Variants in UNC13C observed in about 807,000 individuals in gnomAD.
UNC13C encodes protein unc-13 homolog C.
In UNC13C, 174 loss-of-function variants were observed where a neutral mutation model predicts 245.4. The observed-to-expected ratio is 0.71, with a 90% CI of 0.63 to 0.80. UNC13C has a LOEUF of 0.80. UNC13C is among the 30% of genes least tolerant of loss of function. The pLI is 0.00. For synonymous variants in UNC13C, 992 were observed against 895.1 expected, an observed-to-expected ratio of 1.11 and a Z score of -1.93; for missense variants, 2,829 against 2,602.9, an observed-to-expected ratio of 1.09 and a Z score of -1.89.
the UNC13C span, among the ~76,000 whole-genome samples, chr15:53,909,830 GTCAGTCAA>G: frequency 6.8e-6 from 1 of 146,190 alleles, no homozygotes; most frequent in African/African-American, 2.4e-5. Flanking sequence ...TATTGCACCT[GTCAGTCAA>G]GTGGACATAT....
chr15:54,469,478 T>G (rs2414306), intron 19 of UNC13C, among the ~76,000 whole-genome samples: 66,961 of 151,182 alleles, frequency 0.44, 15,146 homozygotes, highest in East Asian at 0.72. Flanking sequence ...TATTCACATG[T>G]CTCTGGTTCC....
chr15:54,302,690 TAAGTC>T (rs2037619362), intron 13 of UNC13C, among the ~76,000 whole-genome samples: 1 of 151,718 alleles, frequency 6.6e-6, no homozygotes, highest in Non-Finnish European at 1.5e-5. Flanking sequence ...TTGGTTTACT[TAAGTC>T]AGGTAATGTG....
the UNC13C span, among the ~76,000 whole-genome samples, chr15:53,958,877 G>C: frequency 2.6e-5 from 4 of 151,976 alleles, no homozygotes; most frequent in African/African-American, 9.7e-5. Flanking sequence ...CTGTACTGTC[G>C]AATACTAGAA....
intron 10 of UNC13C, among the ~76,000 whole-genome samples, chr15:54,280,406 T>C (rs1183424158): frequency 2.0e-5 from 3 of 151,556 alleles, no homozygotes; most frequent in South Asian, 2.1e-4. Context: ...TTGATAACAA[T>C]ATATCAAACT....
chr15:54,610,770 G>C (rs1900046565), intron 30 of UNC13C, among the ~76,000 whole-genome samples: 1 of 152,108 alleles, frequency 6.6e-6, no homozygotes, highest in Non-Finnish European at 1.5e-5. Flanking sequence ...CTGATACTTA[G>C]CGAAGCCTGG....
At chr15:53,985,853 G>T (rs1595679817) in intron 1 of UNC13C, among the ~76,000 whole-genome samples, 1 of 152,158 alleles carries the variant, frequency 6.6e-6, no homozygotes, top group Non-Finnish European at 1.5e-5. Context: ...CTCATTGGGT[G>T]TGTATCCCTT....
At chr15:54,394,547 T>C (rs1475170025) in intron 18 of UNC13C, among the ~76,000 whole-genome samples, 1 of 151,890 alleles carries the variant, frequency 6.6e-6, no homozygotes, top group Non-Finnish European at 1.5e-5. Context: ...ATTTACTCTT[T>C]GGACCTTTCT....
At chr15:54,088,620 A>G (rs1161459595) in intron 2 of UNC13C, among the ~76,000 whole-genome samples, 1 of 152,144 alleles carries the variant, frequency 6.6e-6, no homozygotes, top group Non-Finnish European at 1.5e-5. Context: ...TGATCAGAGC[A>G]TGTTACTTCC....
chr15:54,441,467 T>A (rs553744024), intron 19 of UNC13C, among the ~76,000 whole-genome samples: 45 of 152,166 alleles, frequency 3.0e-4, no homozygotes, highest in African/African-American at 1.1e-3. Flanking sequence ...TTGGAGGGAA[T>A]CAGTAGGCAC....
intron 4 of UNC13C, among the ~76,000 whole-genome samples, chr15:54,148,229 A>T (rs2032364491): frequency 6.6e-6 from 1 of 152,214 alleles, no homozygotes. Flanking sequence ...TTACCAAAAA[A>T]TATTAATAAG....
rs944544258 is a variant in UNC13C at position 54,190,269 on chromosome 15, A to AT, written c.3072-44753dup. On this transcript the variant is annotated intron_variant, in intron 4 of 32. Transcript: ENST00000260323. ...TACAAGCTTTTCTTTTTCTTTTTTT[A>AT]TTTTTTTTGCTTAAAAAAGTTTAAC... Among the ~76,000 whole-genome samples the AT allele has an allele frequency of 2.7e-4, 41 of 151,836 alleles. No homozygotes were observed. The South Asian group carries it at 3.3e-3, about 12-fold the overall frequency.
chr15:54,243,962 A>C (rs1320204216), intron 7 of UNC13C, among the ~76,000 whole-genome samples: 1 of 152,042 alleles, frequency 6.6e-6, no homozygotes, highest in Non-Finnish European at 1.5e-5. Context: ...CTTTTGCTGC[A>C]TAGAAGCTAT....
chr15:54,303,946 T>C (rs777502062), intron 13 of UNC13C, among the ~76,000 whole-genome samples: 13 of 152,110 alleles, frequency 8.5e-5, no homozygotes, highest in Non-Finnish European at 1.9e-4. Context: ...AATATTTATT[T>C]GGTAGCAAGT....
the UNC13C span, among the ~76,000 whole-genome samples, chr15:53,971,171 T>C: frequency 6.6e-6 from 1 of 152,192 alleles, no homozygotes; most frequent in Non-Finnish European, 1.5e-5. Context: ...GAAATGTCTA[T>C]TCAAGTTGGC....
intron 30 of UNC13C, among the ~76,000 whole-genome samples, chr15:54,573,444 G>A (rs1266109230): frequency 6.6e-6 from 1 of 152,182 alleles, no homozygotes; most frequent in Non-Finnish European, 1.5e-5. Context: ...GGATGTAGAA[G>A]TATTCTTAAG....
At chr15:53,935,933 G>A in the UNC13C span, among the ~76,000 whole-genome samples, 16 of 152,188 alleles carry the variant, frequency 1.1e-4, no homozygotes, top group Non-Finnish European at 5.9e-5. Context: ...CCTAGGAGTT[G>A]TTACGCATAT....
intron 19 of UNC13C, among the ~76,000 whole-genome samples, chr15:54,492,165 A>G (rs1893744450): frequency 6.6e-6 from 1 of 152,152 alleles, no homozygotes; most frequent in Non-Finnish European, 1.5e-5. Context: ...TTCCAAACAC[A>G]CATTTGAGTC....
intron 19 of UNC13C, among the ~76,000 whole-genome samples, chr15:54,438,043 C>G (rs952810408): frequency 6.6e-6 from 1 of 151,838 alleles, no homozygotes; most frequent in Non-Finnish European, 1.5e-5. Context: ...GTAAAATACA[C>G]TTCAAGTCAT....
At chr15:54,486,158 C>CCAGCACTTTGGGAAGCTGAGGTGGCCG (rs1893392245) in intron 19 of UNC13C, among the ~76,000 whole-genome samples, 1 of 151,364 alleles carries the variant, frequency 6.6e-6, no homozygotes, top group South Asian at 2.1e-4. Flanking sequence ...GCCCATAATC[C>CCAGCACTTTGGGAAGCTGAGGTGGCCG]CAGCACTTTG....
Sources: allele counts gnomAD v4.1 joint callset (sites outside exome capture counted in the v4.1 genomes callset), GRCh38; gene constraint gnomAD v4.1.1; transcripts MANE v1.5; gene names NCBI Gene and HGNC (gene_info 2026-07-23, HGNC 2026-07-21).